SLC30A8: variants seen among roughly 807,000 people sequenced by gnomAD.
The protein encoded by SLC30A8 is proton-coupled zinc antiporter SLC30A8.
A neutral mutation model predicts 36.9 loss-of-function variants in SLC30A8; 27 were observed. That is an observed-to-expected ratio of 0.73 (90% confidence interval 0.54 to 1.01). SLC30A8 has a LOEUF of 1.01. SLC30A8 is among the 50% of genes least tolerant of loss of function. The pLI is 0.00. For synonymous variants in SLC30A8, 164 were observed against 172.4 expected (o/e 0.95, Z 0.38); for missense variants, 439 against 452.0 (o/e 0.97, Z 0.26).
At chr8:117,087,373 G>C (rs559390080) in intron 2 of SLC30A8, among the ~76,000 whole-genome samples, 1 of 152,300 alleles carries the variant, frequency 6.6e-6, no homozygotes, top group South Asian at 2.1e-4. Flanking sequence ...TATTAGGAAA[G>C]CACATTTAAT....
intron 1 of SLC30A8, among the ~76,000 whole-genome samples, chr8:117,027,414 C>G (rs982916153): frequency 6.6e-6 from 1 of 152,176 alleles, no homozygotes; most frequent in African/African-American, 2.4e-5. Context: ...TCCCATTCTT[C>G]AGGTCTCAAT....
intron 1 of SLC30A8, among the ~76,000 whole-genome samples, chr8:117,013,736 AGT>A (rs1244938709): frequency 1.3e-5 from 2 of 152,080 alleles, no homozygotes; most frequent in Non-Finnish European, 2.9e-5. Context: ...AGGAATGAAG[AGT>A]GTTTTCTTTC....
chr8:116,967,274 GGAAGA>G (rs1168499492), intron 1 of SLC30A8, among the ~76,000 whole-genome samples: 1 of 152,040 alleles, frequency 6.6e-6, no homozygotes, highest in African/African-American at 2.4e-5. Context: ...AAAAGTAGAT[GGAAGA>G]GAAGAGAGGA....
chr8:117,060,788 T>C (rs1818004116), intron 2 of SLC30A8, among the ~76,000 whole-genome samples: 1 of 152,222 alleles, frequency 6.6e-6, no homozygotes, highest in Non-Finnish European at 1.5e-5. Flanking sequence ...CTCTTTCTTC[T>C]TGAAACCACC....
At chr8:117,116,149 A>C (rs1820433760) in intron 2 of SLC30A8, among the ~76,000 whole-genome samples, 1 of 151,996 alleles carries the variant, frequency 6.6e-6, no homozygotes, top group Non-Finnish European at 1.5e-5. Flanking sequence ...TGTTTGGGCA[A>C]GGTAGGATGA....
At chr8:117,018,668 C>T (rs1002682404) in intron 1 of SLC30A8, among the ~76,000 whole-genome samples, 1 of 121,664 alleles carries the variant, frequency 8.2e-6, no homozygotes, top group East Asian at 3.1e-4. Context: ...GACTAGCCCC[C>T]CCCCCCCTTT....
At chr8:116,955,274 TG>T (rs1250158577) in intron 1 of SLC30A8, among the ~76,000 whole-genome samples, 2 of 152,186 alleles carry the variant, frequency 1.3e-5, no homozygotes, top group Non-Finnish European at 1.5e-5. Flanking sequence ...TGGGCTAGTG[TG>T]GGCCCTAAAT....
At chr8:117,139,963 A>G (rs1221737153) in intron 1 of SLC30A8, among the ~76,000 whole-genome samples, 1 of 152,082 alleles carries the variant, frequency 6.6e-6, no homozygotes, top group African/African-American at 2.4e-5. Context: ...AAAGAAAATC[A>G]AAGAACAAAG....
In SLC30A8 at chr8:117,072,626, GTATTT is replaced by G. The variant is rs370554104; in HGVS notation, c.-226+33378_-226+33382del. ...ACAATATCCTACTTTTTTCTCCACA[GTATTT>G]TATTTTATTGTCATCACCTACCTTT... On this transcript the variant is annotated intron_variant, in intron 2 of 10. Coordinates refer to the SLC30A8 transcript ENST00000427715. Among the ~76,000 whole-genome samples the G allele has an allele frequency of 7.0e-4, 106 of 151,886 alleles. 1 individual carries two copies. In the South Asian group the frequency reaches 7.3e-3, roughly 10 times the overall value.
intron 1 of SLC30A8, among the ~76,000 whole-genome samples, chr8:116,996,648 GTAGGGCTTA>G (rs1815829537): frequency 6.6e-6 from 1 of 152,140 alleles, no homozygotes; most frequent in African/African-American, 2.4e-5. Context: ...CTTATCCCGT[GTAGGGCTTA>G]TAGGTCATCA....
chr8:117,022,213 G>T (rs990826525), intron 1 of SLC30A8, among the ~76,000 whole-genome samples: 1 of 146,746 alleles, frequency 6.8e-6, no homozygotes, highest in Non-Finnish European at 1.5e-5. Flanking sequence ...AAAAAAAAAA[G>T]AAAACAAGTT....
intron 1 of SLC30A8, among the ~76,000 whole-genome samples, chr8:117,014,929 T>C (rs899114910): frequency 1.3e-5 from 2 of 152,096 alleles, no homozygotes; most frequent in Non-Finnish European, 2.9e-5. Context: ...TCTCAGTAAT[T>C]GGCTTTGCGT....
At chr8:117,140,946 A>G (rs1021682477) in intron 1 of SLC30A8, among the ~76,000 whole-genome samples, 3 of 152,122 alleles carry the variant, frequency 2.0e-5, no homozygotes, top group Non-Finnish European at 4.4e-5. Context: ...GAAATGGATA[A>G]ATTCATAGAA....
rs144674828 is a variant in SLC30A8, at chr8:117,065,982, C to T, written c.-226+26724C>T. Among the ~76,000 whole-genome samples the T allele has an allele frequency of 7.4e-4, 112 of 152,210 alleles. 1 individual carries two copies. Among genetic ancestry groups the T allele is most frequent in the African/African-American group, 2.4e-3 (98 of 41,540 alleles). ...AATTTGCCACAGATGGATCCCATGG[C>T]CCCATTCTGTATTATTCCTTCCCTC... On this transcript the variant is annotated intron_variant, in intron 2 of 10. Coordinates refer to the SLC30A8 transcript ENST00000427715.
chr8:116,992,781 A>G (rs1192653487), intron 1 of SLC30A8, among the ~76,000 whole-genome samples: 1 of 152,196 alleles, frequency 6.6e-6, no homozygotes, highest in African/African-American at 2.4e-5. Context: ...GAACATATCT[A>G]AGAGTTGAAC....
intron 1 of SLC30A8, among the ~76,000 whole-genome samples, chr8:116,996,194 C>G (rs917020625): frequency 5.9e-5 from 9 of 152,156 alleles, no homozygotes; most frequent in Non-Finnish European, 1.0e-4. Flanking sequence ...TTTAGTCTCA[C>G]AAAATGTTAG....
intron 2 of SLC30A8, among the ~76,000 whole-genome samples, chr8:117,118,176 CAAA>C (rs57091173): frequency 1.1e-5 from 1 of 87,560 alleles, no homozygotes; most frequent in Non-Finnish European, 2.6e-5. Context: ...CTCTCTGTCT[CAAA>C]AAAAAAAAAA....
At chr8:117,150,279 A>G (rs113215639) in intron 2 of SLC30A8, among the ~76,000 whole-genome samples, 344 of 152,338 alleles carry the variant, frequency 2.3e-3, no homozygotes, top group African/African-American at 8.0e-3. Flanking sequence ...AATGGGACAC[A>G]TGGCTAACGT....
At chr8:116,983,864 T>G (rs73312236) in intron 1 of SLC30A8, among the ~76,000 whole-genome samples, 4,849 of 152,134 alleles carry the variant, frequency 0.032, 239 homozygotes, top group African/African-American at 0.11. Flanking sequence ...TCATTTGTGT[T>G]TGTGTGTGTG....
Sources: gnomAD v4.1 joint callset for allele counts (sites outside exome capture counted in the v4.1 genomes callset) on GRCh38, gnomAD v4.1.1 for gene constraint, MANE v1.5 for transcripts, NCBI Gene and HGNC (gene_info 2026-07-23, HGNC 2026-07-21) for gene names.